Variants in HERC1 observed in about 807,000 individuals in gnomAD.
HERC1 encodes probable E3 ubiquitin-protein ligase HERC1.
A neutral mutation model predicts 554.3 loss-of-function variants in HERC1; 160 were observed. The observed-to-expected ratio is 0.29, with a 90% CI of 0.25 to 0.33. The LOEUF (loss-of-function observed/expected upper bound fraction) is 0.33, where lower values mean the gene tolerates loss of function less well. HERC1 is among the 10% of genes least tolerant of loss of function. The probability of loss-of-function intolerance (pLI) is 1.00; values close to 1 mark genes in which losing one functional copy is unlikely to be tolerated. For synonymous variants in HERC1, 2,175 were observed against 2,131.7 expected (o/e 1.02, Z -0.56); for missense variants, 4,919 against 5,918.5 (o/e 0.83, Z 5.54).
At position 63,764,144 on chromosome 15, in the gene HERC1, C is replaced by T. The variant is rs376235781; in HGVS notation, c.978G>A (p.Ser326=). The change falls in exon 3 of 78, where the codon TCG becomes TCA. Residue 326 remains serine (S), a synonymous_variant. Coordinates refer to ENST00000443617, the MANE Select transcript of HERC1 (RefSeq NM_003922.4). The stretch of plus-strand genomic sequence containing the variant: ...CCTCGTAAAGGGAGCACAAGCCATC[C>T]GATGTTCTGGTTGGTTCTCTCCACT... ...RSQWREPTRT[S]DGLCSLYEAA... 88 of 1,611,214 alleles carry T rather than the reference C, an allele frequency of 5.5e-5. No individual in the cohort carries two copies. The highest frequency in any genetic ancestry group is 1.6e-4 in the Middle Eastern group (1 of 6,082).
At chr15:63,803,630 T>C (rs1200730583) in intron 1 of HERC1, among the ~76,000 whole-genome samples, 1 of 152,226 alleles carries the variant, frequency 6.6e-6, no homozygotes, top group African/African-American at 2.4e-5. Flanking sequence ...AAGGTTTTAA[T>C]GAACCAATTG....
intron 14 of HERC1, among the ~76,000 whole-genome samples, chr15:63,731,283 G>A (rs1227618085): frequency 6.6e-6 from 1 of 152,118 alleles, no homozygotes; most frequent in African/African-American, 2.4e-5. Context: ...TGAGAACACT[G>A]TAGGGCCCTT....
chr15:63,734,643 G>T lies in HERC1; in HGVS notation c.2646+81C>A. The T allele has an allele frequency of 8.4e-7, 1 of 1,188,576 alleles. No individual in the cohort carries two copies. Among genetic ancestry groups the T allele is most frequent in the Non-Finnish European group, 1.2e-6 (1 of 861,114 alleles). The allele number at this position is 1,188,576 out of a possible 1,614,324, so 73.6% of individuals were successfully genotyped here. A position where few individuals can be genotyped will look rare whatever the true frequency, so the allele number is the denominator to read the frequency against. ...AGTACTTATGCTCCAAGAACACATGGCAATTTATTAGTTTTATTTCCTTCT... is the reference window on the plus strand; with the variant it reads ...AGTACTTATGCTCCAAGAACACATGTCAATTTATTAGTTTTATTTCCTTCT... On this transcript the variant is annotated intron_variant, in intron 13 of 77. Transcript: ENST00000443617. The surrounding 1 kb of genome is among the most constrained non-coding windows in gnomAD (Gnocchi z 4.6).
chr15:63,757,256 T>C (rs2075449369), intron 4 of HERC1, among the ~76,000 whole-genome samples: 1 of 139,224 alleles, frequency 7.2e-6, no homozygotes, highest in African/African-American at 2.6e-5. Context: ...TTCCAGTTTT[T>C]ATTTACTTTT....
chr15:63,636,143 C>A lies in HERC1; in HGVS notation c.12233-1G>T. The A allele has an allele frequency of 6.2e-7, 1 of 1,613,428 alleles. No individual in the cohort carries two copies. The highest frequency in any genetic ancestry group is 8.5e-7 in the Non-Finnish European group (1 of 1,179,706). On this transcript the variant is annotated splice_acceptor_variant, in intron 64 of 77. Coordinates refer to ENST00000443617, the MANE Select transcript of HERC1 (RefSeq NM_003922.4). LOFTEE classifies it high-confidence loss of function. The stretch of plus-strand genomic sequence containing the variant: ...GTCACCAGCTGGGTCACCACAAAGC[C>A]TGGAACAGAACAGAAACCCAACAGG...
At chr15:63,748,618 A>G (rs751143885) in intron 10 of HERC1, among the ~76,000 whole-genome samples, 5 of 152,188 alleles carry the variant, frequency 3.3e-5, no homozygotes, top group Admixed American at 6.5e-5. Flanking sequence ...GGGAAGTTGG[A>G]GATGTAATGC....
At chr15:63,822,153 T>G (rs577267456) in intron 1 of HERC1, among the ~76,000 whole-genome samples, 1 of 152,164 alleles carries the variant, frequency 6.6e-6, no homozygotes, top group Non-Finnish European at 1.5e-5. Flanking sequence ...GGAGTCTGCC[T>G]GGCCCGGTCA....
chr15:63,815,078 C>T (rs187436039), intron 1 of HERC1, among the ~76,000 whole-genome samples: 4 of 152,264 alleles, frequency 2.6e-5, no homozygotes, highest in Non-Finnish European at 5.9e-5. Flanking sequence ...AATCTACCTC[C>T]CCTAGAAGTA....
chr15:63,643,452 G>C lies in HERC1; in HGVS notation c.11283C>G (p.Ala3761=), dbSNP rs550120427. The stretch of plus-strand genomic sequence containing the variant: ...GCCCACCTAGTCCACCAGACACCAG[G>C]GCCAACCCATCAGAACTAAAGGCAA... ...RTVAFSSDGL[A]LVSGGLGGLM... is the part of the protein sequence containing the mutation. The change falls in exon 58 of 78, where the codon GCC becomes GCG. Residue 3761 remains alanine, a synonymous_variant. Transcript: ENST00000443617. The C allele has an allele frequency of 6.2e-7, 1 of 1,613,374 alleles. No homozygotes were observed. The highest frequency in any genetic ancestry group is 1.3e-5 in the African/African-American group (1 of 74,986).
rs983241705 is a variant in HERC1 at position 63,636,191 on chromosome 15, C to A, written c.12233-49G>T. 6.5e-6 allele frequency: 10 copies of A among 1,531,960 alleles called. No homozygotes were observed. In the African/African-American group the frequency reaches 1.2e-4, roughly 19 times the overall value. 94.9% of individuals were successfully genotyped at this position (1,531,960 alleles called of 1,614,324 possible). ...AGGAGTCACTGGATGTTAAAACTCT[C>A]CTCTTTACTTGCAGCTGCTACTGAA... On this transcript the variant is annotated intron_variant, in intron 64 of 77. Transcript: ENST00000443617.
At position 63,663,074 on chromosome 15, in the gene HERC1, C is replaced by T; in HGVS notation, c.8811G>A (p.Glu2937=). 1 of 1,613,978 alleles carries T rather than the reference C, an allele frequency of 6.2e-7. No individual in the cohort carries two copies. The highest frequency in any genetic ancestry group is 1.1e-5 in the South Asian group (1 of 91,082). ...DEELEIDLDD[E]AMEAMFGQDL... ...CTTGTCCAAACATAGCTTCCATCGC[C>T]TCATCATCAAGATCAATTTCCAATT... The change falls in exon 44 of 78, where the codon GAG becomes GAA. Residue 2937 remains glutamate, a synonymous_variant. Transcript: ENST00000443617.
Position 63,659,939 on chromosome 15 carries a change from G to C in HERC1, c.9224-3C>G. On this transcript the variant is annotated splice_polypyrimidine_tract_variant and splice_region_variant and intron_variant, in intron 46 of 77. Transcript: ENST00000443617. ...AACATCCAACATGTCCCAGTCTTCT[G>C]GAATTTAAATAAATAAATGTATAGT... is the stretch of plus-strand genomic sequence containing the variant. The C allele has an allele frequency of 6.3e-7, 1 of 1,593,588 alleles. No individual in the cohort carries two copies. The highest frequency in any genetic ancestry group is 8.6e-7 in the Non-Finnish European group (1 of 1,163,120).
intron 2 of HERC1, among the ~76,000 whole-genome samples, chr15:63,767,102 A>C (rs766320023): frequency 9.9e-5 from 15 of 151,930 alleles, no homozygotes; most frequent in South Asian, 2.1e-4. Context: ...TCCGGGTTTA[A>C]GCAATTCCCC....
intron 70 of HERC1, 126 bp downstream of exon 70, chr15:63,628,551 T>C: frequency 1.0e-6 from 1 of 986,174 alleles, no homozygotes; most frequent in South Asian, 1.8e-5. Flanking sequence ...AAGAATGCTT[T>C]GTGTGGCAGA....
In HERC1 at chr15:63,696,257, C is replaced by T. The variant is rs1216703772; in HGVS notation, c.4988G>A (p.Arg1663Lys). The T allele has an allele frequency of 6.8e-6, 11 of 1,613,120 alleles. No homozygotes were observed. Among genetic ancestry groups the T allele is most frequent in the Non-Finnish European group, 9.3e-6 (11 of 1,179,436 alleles). Reference sequence around the variant, plus strand: ...GGAGGACTGGAAGCCTGAACTCAATCTGCTTCCTGCCAGTGAGATGCTACC... The same window carrying T: ...GGAGGACTGGAAGCCTGAACTCAATTTGCTTCCTGCCAGTGAGATGCTACC... ...EKGSISLAGS[R>K]LSSGFQSSTL... is the part of the protein sequence containing the mutation. Residue 1663 changes from arginine (R) to lysine (K), a missense_variant, in exon 27 of 78, where the codon AGA (arginine) becomes AAA (lysine). This residue lies in a region of HERC1 where 1,121 missense variants were observed against 1,244.0 expected (regional missense o/e 0.90). Transcript: ENST00000443617.
chr15:63,809,262 A>G (rs1215989472), intron 1 of HERC1, among the ~76,000 whole-genome samples: 1 of 152,220 alleles, frequency 6.6e-6, no homozygotes, highest in Non-Finnish European at 1.5e-5. Context: ...CCCCTAGTAT[A>G]TTCTAATGAA....
chr15:63,724,138 A>T (rs1467454557), intron 18 of HERC1, among the ~76,000 whole-genome samples: 1 of 152,204 alleles, frequency 6.6e-6, no homozygotes. Context: ...ACAGAAATTG[A>T]TTTTCTTCAT....
At chr15:63,696,995 G>A (rs945107534) in intron 26 of HERC1, among the ~76,000 whole-genome samples, 1 of 151,134 alleles carries the variant, frequency 6.6e-6, no homozygotes, top group Admixed American at 6.6e-5. Context: ...TTGTAAAGAT[G>A]GTACAGAGAG....
In HERC1 at chr15:63,775,097, C is replaced by T. The variant is rs144256848; in HGVS notation, c.527G>A (p.Ser176Asn). The T allele has an allele frequency of 8.1e-5, 131 of 1,614,018 alleles. No homozygotes were observed. In the African/African-American group the frequency reaches 1.5e-3, roughly 19 times the overall value. ...LSLLFALLRQ[S>N]WMMPVSGPGL... ...AGGTCCTGACACAGGCATCATCCAA[C>T]TTTGTCTTAGAAGCGCAAATAATAA... Residue 176 changes from serine to asparagine, a missense_variant, in exon 2 of 78, where the codon AGT becomes AAT. This residue lies in a region of HERC1 where 744 missense variants were observed against 1,090.0 expected (regional missense o/e 0.68). Coordinates refer to ENST00000443617, the MANE Select transcript of HERC1 (RefSeq NM_003922.4). This position sits in a 1 kb window ranked among gnomAD's most constrained non-coding sequence, Gnocchi z 4.0.
Sources: gnomAD v4.1 joint callset for allele counts (sites outside exome capture counted in the v4.1 genomes callset) on GRCh38, gnomAD v4.1.1 for gene constraint, gnomAD v4.1.1 regional missense constraint, Gnocchi (gnomAD v3.1) non-coding constraint, MANE v1.5 for transcripts, NCBI Gene and HGNC (gene_info 2026-07-23, HGNC 2026-07-21) for gene names.